Variants in RBFOX1 observed in about 807,000 individuals in gnomAD.
RBFOX1 encodes RNA binding protein fox-1 homolog 1.
Under a neutral mutation model 57.7 loss-of-function variants are expected in RBFOX1, and 8 were observed. That is an observed-to-expected ratio of 0.14 (90% CI 0.08 to 0.25). The LOEUF is 0.25. Ranked by LOEUF, RBFOX1 falls within the 10% of genes least tolerant of loss-of-function variation. RBFOX1 has a pLI of 1.00. For synonymous variants in RBFOX1, 326 were observed against 222.4 expected, an observed-to-expected ratio of 1.47 and a Z score of -4.15; for missense variants, 611 against 548.5, an observed-to-expected ratio of 1.11 and a Z score of -1.14.
At chr16:7,012,594 A>G (rs2093704106) in intron 3 of RBFOX1, among the ~76,000 whole-genome samples, 1 of 152,190 alleles carries the variant, frequency 6.6e-6, no homozygotes, top group Admixed American at 6.5e-5. Flanking sequence ...AAATGCTGCT[A>G]ACAAAACATT....
Position 6,746,416 on chromosome 16 carries a change from C to G in RBFOX1, c.-16+91766C>G, listed in dbSNP as rs540811370. 1.2e-4 allele frequency among the ~76,000 whole-genome samples: 19 copies of G among 152,206 alleles called. No homozygotes were observed. The South Asian group carries it at 3.1e-3, about 25-fold the overall frequency. ...GGTGCGCTGGGCATGGTGGCTCACA[C>G]CTGTAATCTCAGCACTATGGGAAGA... On this transcript the variant is annotated intron_variant, in intron 3 of 15. Coordinates refer to ENST00000550418, the MANE Select transcript of RBFOX1 (RefSeq NM_018723.4).
intron 2 of RBFOX1, among the ~76,000 whole-genome samples, chr16:6,570,663 A>G (rs1344795948): frequency 6.6e-6 from 1 of 152,232 alleles, no homozygotes; most frequent in East Asian, 1.9e-4. Flanking sequence ...CTTGGCTAAA[A>G]ATTATCAGTC....
intron 5 of RBFOX1, among the ~76,000 whole-genome samples, chr16:7,543,713 GTGTGTGTT>G (rs1396360933): frequency 4.3e-4 from 26 of 60,688 alleles, no homozygotes; most frequent in African/African-American, 1.7e-3. Context: ...GTGTGTGTGT[GTGTGTGTT>G]TATTTTTTAT....
At chr16:6,905,199 A>C (rs546199630) in intron 3 of RBFOX1, among the ~76,000 whole-genome samples, 2 of 151,886 alleles carry the variant, frequency 1.3e-5, no homozygotes, top group African/African-American at 4.8e-5. Flanking sequence ...TCTCAATAAC[A>C]CTTGTTCCTT....
intron 1 of RBFOX1, among the ~76,000 whole-genome samples, chr16:6,077,391 T>C (rs2095919749): frequency 6.6e-6 from 1 of 152,200 alleles, no homozygotes; most frequent in Admixed American, 6.5e-5. Flanking sequence ...AAGGCACAGT[T>C]TGGGGCAAGC....
At chr16:6,644,952 C>T (rs1242575789) in intron 2 of RBFOX1, among the ~76,000 whole-genome samples, 1 of 152,158 alleles carries the variant, frequency 6.6e-6, no homozygotes, top group Non-Finnish European at 1.5e-5. Context: ...AGCAAATCAT[C>T]ACAATCTAGG....
At chr16:7,520,010 C>T (rs2077187430) in intron 5 of RBFOX1, among the ~76,000 whole-genome samples, 1 of 152,058 alleles carries the variant, frequency 6.6e-6, no homozygotes, top group South Asian at 2.1e-4. Context: ...CTCAGTCTCC[C>T]GAGTAGCTGG....
chr16:5,602,245 A>G (rs558240153), downstream of RBFOX1, among the ~76,000 whole-genome samples: 72 of 152,350 alleles, frequency 4.7e-4, 2 homozygotes, highest in South Asian at 0.011. Context: ...CCTCACATTC[A>G]CATGTGTCAA....
intron 3 of RBFOX1, among the ~76,000 whole-genome samples, chr16:5,605,239 A>G (rs779131822): frequency 6.6e-6 from 1 of 151,744 alleles, no homozygotes; most frequent in Non-Finnish European, 1.5e-5. Context: ...TCCACCACCA[A>G]CTCTCCAAGG....
rs955841896 is a variant in RBFOX1 at position 6,818,840 on chromosome 16, C to A, written c.-16+164190C>A. On this transcript the variant is annotated intron_variant, in intron 3 of 15. Coordinates refer to ENST00000550418, the MANE Select transcript of RBFOX1 (RefSeq NM_018723.4). ...CTGGTCCGTGCCTGGGCATATCGCC[C>A]AACTCAGTCCAATGAGATTAAATCT... Among the ~76,000 whole-genome samples, 2 of 152,128 alleles carry A rather than the reference C, an allele frequency of 1.3e-5. 1 individual carries two copies. Among genetic ancestry groups the A allele is most frequent in the Middle Eastern group, 6.3e-3 (2 of 316 alleles).
intron 1 of RBFOX1, among the ~76,000 whole-genome samples, chr16:5,363,727 C>A (rs1287773282): frequency 1.3e-5 from 2 of 152,102 alleles, no homozygotes; most frequent in Non-Finnish European, 2.9e-5. Context: ...AAGTCAGTGT[C>A]CTTGGGTTGG....
rs1400806599 is a variant in RBFOX1 at position 6,915,204 on chromosome 16, A to G, written c.-15-136853A>G. On this transcript the variant is annotated intron_variant, in intron 3 of 15. Transcript: ENST00000550418. ...GCTTTCCCCAGGCTCCCGGAGACCC[A>G]CTCCCTTGTTCTCCTAGCAGCTGGA... Among the ~76,000 whole-genome samples the G allele has an allele frequency of 4.6e-5, 7 of 151,818 alleles. 1 individual carries two copies. Among genetic ancestry groups the G allele is most frequent in the Admixed American group, 4.6e-4 (7 of 15,228 alleles).
intron 4 of RBFOX1, among the ~76,000 whole-genome samples, chr16:7,249,366 C>G (rs531694335): frequency 3.3e-5 from 5 of 152,066 alleles, no homozygotes; most frequent in Non-Finnish European, 5.9e-5. Flanking sequence ...AGAACAAAAT[C>G]TACCTGAGAA....
chr16:5,282,440 G>C (rs1183653886), intron 1 of RBFOX1, among the ~76,000 whole-genome samples: 2 of 152,186 alleles, frequency 1.3e-5, no homozygotes, highest in Non-Finnish European at 2.9e-5. Context: ...ACAGTTTGGA[G>C]GGCTCAGAAG....
chr16:7,594,630 G>A (rs796953039), intron 7 of RBFOX1, among the ~76,000 whole-genome samples: 20 of 152,186 alleles, frequency 1.3e-4, no homozygotes, highest in Admixed American at 4.6e-4. Context: ...TAAATTAAAA[G>A]GTATATATGT....
At chr16:6,360,466 T>C (rs2088242492) in intron 2 of RBFOX1, among the ~76,000 whole-genome samples, 1 of 152,200 alleles carries the variant, frequency 6.6e-6, no homozygotes, top group Admixed American at 6.5e-5. Flanking sequence ...GTCCAAGTGA[T>C]AGATGGATTT....
At chr16:7,690,656 G>A (rs866210444) in intron 14 of RBFOX1, among the ~76,000 whole-genome samples, 1 of 117,362 alleles carries the variant, frequency 8.5e-6, no homozygotes, top group African/African-American at 3.2e-5. Flanking sequence ...GAATATACCT[G>A]CATTGTTCTG....
chr16:6,755,985 T>C (rs2075724481), intron 3 of RBFOX1, among the ~76,000 whole-genome samples: 2 of 152,100 alleles, frequency 1.3e-5, no homozygotes, highest in Non-Finnish European at 2.9e-5. Context: ...CTAGCTGAGG[T>C]CAATAAGTGC....
At chr16:5,583,425 G>T (rs1311122704) in intron 2 of RBFOX1, among the ~76,000 whole-genome samples, 1 of 152,174 alleles carries the variant, frequency 6.6e-6, no homozygotes, top group Admixed American at 6.5e-5. Flanking sequence ...TGTTCAAACT[G>T]CGTTCAAATA....
Sources: gnomAD v4.1 joint callset for allele counts (sites outside exome capture counted in the v4.1 genomes callset) on GRCh38, gnomAD v4.1.1 for gene constraint, MANE v1.5 for transcripts, NCBI Gene and HGNC (gene_info 2026-07-23, HGNC 2026-07-21) for gene names.